The following LCLAT1 variants were observed in gnomAD, a reference collection of about 807,000 sequenced individuals.
LCLAT1 encodes the protein lysocardiolipin acyltransferase 1, also known as 1-AGP acyltransferase 8.
Under a neutral mutation model 30.7 loss-of-function variants are expected in LCLAT1, and 11 were observed. The observed-to-expected ratio is 0.36, with a 90% CI of 0.23 to 0.59. The LOEUF is 0.59. LCLAT1 is among the 20% of genes least tolerant of loss of function. LCLAT1 has a pLI of 0.77. For missense variants in LCLAT1, 402 were observed against 458.6 expected, an observed-to-expected ratio of 0.88 and a Z score of 1.13; for synonymous variants, 155 against 151.3, an observed-to-expected ratio of 1.02 and a Z score of -0.18.
At chr2:30,513,624 C>T (rs1685040432) in intron 1 of LCLAT1, among the ~76,000 whole-genome samples, 1 of 152,054 alleles carries the variant, frequency 6.6e-6, no homozygotes. Context: ...ATATCTTGGG[C>T]CCCCCAAATC....
At chr2:30,521,754 C>T (rs1184061355) in intron 1 of LCLAT1, among the ~76,000 whole-genome samples, 3 of 151,916 alleles carry the variant, frequency 2.0e-5, no homozygotes, top group Non-Finnish European at 4.4e-5. Context: ...ATCTGCTCCC[C>T]TTGGCCTCCC....
chr2:30,476,618 G>A (rs564323834), intron 1 of LCLAT1: 133 of 432,198 alleles, frequency 3.1e-4, no homozygotes, highest in African/African-American at 1.2e-3. Flanking sequence ...CAGAACGCTC[G>A]CCGATTCTAC....
intron 1 of LCLAT1, among the ~76,000 whole-genome samples, chr2:30,525,066 A>G (rs754464275): frequency 1.9e-4 from 29 of 151,908 alleles, no homozygotes; most frequent in Non-Finnish European, 3.2e-4. Flanking sequence ...CTTAAACTAG[A>G]TAACTCTTTT....
chr2:30,504,428 G>T (rs1004130290), intron 1 of LCLAT1, among the ~76,000 whole-genome samples: 22 of 152,064 alleles, frequency 1.4e-4, no homozygotes, highest in Admixed American at 3.9e-4. Context: ...GGTTTTATTA[G>T]GCTCAGGATC....
intron 3 of LCLAT1, among the ~76,000 whole-genome samples, chr2:30,537,375 G>A (rs1338867189): frequency 2.8e-4 from 40 of 144,372 alleles, no homozygotes; most frequent in African/African-American, 9.5e-4. Flanking sequence ...GCGACAGAGC[G>A]AGACTCCGTC....
chr2:30,459,788 C>G, intron 1 of LCLAT1: 1 of 1,045,584 alleles, frequency 9.6e-7, no homozygotes, highest in South Asian at 1.3e-5. Flanking sequence ...GAACACAAAG[C>G]TTTTTGAATT....
At chr2:30,530,289 G>A (rs1445697716) in intron 2 of LCLAT1, among the ~76,000 whole-genome samples, 1 of 152,128 alleles carries the variant, frequency 6.6e-6, no homozygotes, top group East Asian at 1.9e-4. Flanking sequence ...TTTTAGTCTG[G>A]ATTAATTGAA....
rs1358134353 is a variant in LCLAT1 at position 30,642,253 on chromosome 2, T to C, written c.*1634T>C. 6.6e-6 allele frequency: 1 copy of C among 152,194 alleles called. No homozygotes were observed. Among genetic ancestry groups the C allele is most frequent in the Non-Finnish European group, 1.5e-5 (1 of 68,032 alleles). The allele number at this position is 152,194 out of a possible 1,614,324, so 9.4% of individuals were successfully genotyped here. On this transcript the variant is annotated 3_prime_UTR_variant, in exon 6 of 6. Coordinates refer to ENST00000379509, the MANE Select transcript of LCLAT1 (RefSeq NM_001002257.3). Reference sequence around the variant, plus strand: ...TTGGAAGAGTATTAACTGGTGCCTCTTCTGAAACACACCAACCCATATTCC... The same window carrying C: ...TTGGAAGAGTATTAACTGGTGCCTCCTCTGAAACACACCAACCCATATTCC...
At chr2:30,612,679 G>A (rs1345800856) in intron 5 of LCLAT1, among the ~76,000 whole-genome samples, 1 of 152,114 alleles carries the variant, frequency 6.6e-6, no homozygotes, top group Non-Finnish European at 1.5e-5. Flanking sequence ...ATTCCTGTCT[G>A]CCTTCTCTGC....
intron 5 of LCLAT1, among the ~76,000 whole-genome samples, chr2:30,570,236 G>C (rs547194736): frequency 6.6e-6 from 1 of 152,030 alleles, no homozygotes; most frequent in African/African-American, 2.4e-5. Context: ...TGTGACAGCT[G>C]GTCTCCCCAA....
At chr2:30,557,809 A>G (rs1664999456) in intron 3 of LCLAT1, among the ~76,000 whole-genome samples, 2 of 152,320 alleles carry the variant, frequency 1.3e-5, no homozygotes, top group African/African-American at 4.8e-5. Flanking sequence ...TTTATGTTTT[A>G]GTCTACTTAA....
chr2:30,574,548 T>C (rs1194932231), intron 5 of LCLAT1, among the ~76,000 whole-genome samples: 1 of 152,190 alleles, frequency 6.6e-6, no homozygotes, highest in Non-Finnish European at 1.5e-5. Flanking sequence ...TGTTGGCTAA[T>C]GGAATAAACA....
chr2:30,527,426 A>G (rs1292265499), intron 2 of LCLAT1, among the ~76,000 whole-genome samples: 1 of 152,184 alleles, frequency 6.6e-6, no homozygotes, highest in African/African-American at 2.4e-5. Context: ...TAATCCTTTA[A>G]TTATGAACCA....
chr2:30,487,249 C>A (rs1303996375), intron 1 of LCLAT1, among the ~76,000 whole-genome samples: 12 of 152,154 alleles, frequency 7.9e-5, no homozygotes, highest in African/African-American at 2.7e-4. Context: ...AAGTTGGGAA[C>A]CAATCTTTAA....
intron 1 of LCLAT1, among the ~76,000 whole-genome samples, chr2:30,447,682 C>T (rs1681326921): frequency 6.6e-6 from 1 of 152,196 alleles, no homozygotes; most frequent in African/African-American, 2.4e-5. Flanking sequence ...AGCCGCGGGG[C>T]GAAGAGGGTC....
In LCLAT1 at chr2:30,627,879, G is replaced by A. The variant is rs114819583; in HGVS notation, c.629-12238G>A. Among the ~76,000 whole-genome samples, 285 of 152,184 alleles carry A rather than the reference G, an allele frequency of 1.9e-3. 1 individual carries two copies. The highest frequency in any genetic ancestry group is 6.7e-3 in the African/African-American group (279 of 41,518). ...GATTTTTACCAAAACTCAGCAGTCA[G>A]CATCTTATATGCTAAAGATCTCATT... On this transcript the variant is annotated intron_variant, in intron 5 of 5. Coordinates refer to ENST00000379509, the MANE Select transcript of LCLAT1 (RefSeq NM_001002257.3).
At chr2:30,576,505 A>T (rs567447841) in intron 5 of LCLAT1, among the ~76,000 whole-genome samples, 1 of 152,124 alleles carries the variant, frequency 6.6e-6, no homozygotes, top group African/African-American at 2.4e-5. Flanking sequence ...TGCAAAATGT[A>T]TGTAACAATA....
intron 3 of LCLAT1, chr2:30,552,433 G>A (rs12053428): frequency 0.85 from 316,348 of 373,182 alleles, 135,131 homozygotes; most frequent in African/African-American, 0.97. Flanking sequence ...GTTTGTTAGA[G>A]TATTATGTAA....
At chr2:30,495,207 T>C (rs1350973084) in intron 1 of LCLAT1, among the ~76,000 whole-genome samples, 1 of 152,188 alleles carries the variant, frequency 6.6e-6, no homozygotes, top group Non-Finnish European at 1.5e-5. Context: ...TTAGGATTTT[T>C]TGTTCTTGCC....
Sources: allele counts gnomAD v4.1 joint callset (sites outside exome capture counted in the v4.1 genomes callset), GRCh38; gene constraint gnomAD v4.1.1; transcripts MANE v1.5; gene names NCBI Gene and HGNC (gene_info 2026-07-23, HGNC 2026-07-21).